The following MAPKAP1 variants were observed in gnomAD, a reference collection of about 807,000 sequenced individuals.
MAPKAP1 encodes target of rapamycin complex 2 subunit MAPKAP1.
MAPKAP1 carries 20 observed loss-of-function variants against 65.7 expected under a neutral mutation model. That is an observed-to-expected ratio of 0.30 (90% CI 0.21 to 0.44). MAPKAP1 has a LOEUF of 0.44. MAPKAP1 is among the 20% of genes least tolerant of loss of function. The probability of loss-of-function intolerance (pLI) is 1.00; values close to 1 mark genes in which losing one functional copy is unlikely to be tolerated. For missense variants in MAPKAP1, 423 were observed against 648.0 expected, an observed-to-expected ratio of 0.65 and a Z score of 3.77; for synonymous variants, 222 against 244.3, an observed-to-expected ratio of 0.91 and a Z score of 0.85.
intron 9 of MAPKAP1, among the ~76,000 whole-genome samples, chr9:125,481,445 C>G (rs1854313603): frequency 6.6e-6 from 1 of 152,118 alleles, no homozygotes; most frequent in Non-Finnish European, 1.5e-5. Flanking sequence ...TCCTTTGAGA[C>G]AGAGTCTAAC....
At chr9:125,484,345 T>C in intron 9 of MAPKAP1, 98 bp downstream of exon 9, 2 of 1,206,404 alleles carry the variant, frequency 1.7e-6, no homozygotes, top group African/African-American at 1.5e-5. Context: ...TTACTTTTAG[T>C]CATTCAGGTC....
At chr9:125,509,725 C>T (rs1829246231) in intron 7 of MAPKAP1, among the ~76,000 whole-genome samples, 1 of 152,180 alleles carries the variant, frequency 6.6e-6, no homozygotes, top group South Asian at 2.1e-4. Context: ...TACCACTTTC[C>T]TGATTACTGG....
intron 3 of MAPKAP1, among the ~76,000 whole-genome samples, chr9:125,664,380 CAG>C (rs1163362896): frequency 6.6e-6 from 1 of 150,576 alleles, no homozygotes; most frequent in African/African-American, 2.4e-5. Flanking sequence ...AATAAAATAA[CAG>C]ATTTATTTAC....
intron 10 of MAPKAP1, among the ~76,000 whole-genome samples, chr9:125,454,742 G>C (rs1049130106): frequency 6.6e-6 from 1 of 152,060 alleles, no homozygotes; most frequent in African/African-American, 2.4e-5. Context: ...TATTATTTCA[G>C]TTCTGTCATT....
intron 4 of MAPKAP1, among the ~76,000 whole-genome samples, chr9:125,640,167 G>A (rs1252695122): frequency 1.3e-5 from 2 of 151,872 alleles, no homozygotes; most frequent in Admixed American, 6.6e-5. Flanking sequence ...GCAGTGGCAC[G>A]ATCTCTGCTC....
In MAPKAP1 at chr9:125,689,434, CG is replaced by C. The variant is rs1176280079; in HGVS notation, c.-69-16792del. On this transcript the variant is annotated intron_variant, in intron 1 of 11. Coordinates refer to ENST00000265960, the MANE Select transcript of MAPKAP1 (RefSeq NM_001006617.3). ...TGGGCGACAGAGTGAGACTCCATCT[CG>C]GAAAAAAAAAAAAAAAAAAAAAAAA... is the stretch of plus-strand genomic sequence containing the variant. Among the ~76,000 whole-genome samples, 3 of 61,604 alleles carry C rather than the reference CG, an allele frequency of 4.9e-5. No individual in the cohort carries two copies. In the East Asian group the frequency reaches 1.4e-3, roughly 29 times the overall value. The allele number at this position is 61,604 out of a possible 152,430, so 40.4% of individuals were successfully genotyped here. A position where few individuals can be genotyped will look rare whatever the true frequency, so the allele number is the denominator to read the frequency against.
At chr9:125,618,225 C>T (rs1401629386) in intron 4 of MAPKAP1, among the ~76,000 whole-genome samples, 1 of 151,250 alleles carries the variant, frequency 6.6e-6, no homozygotes, top group Non-Finnish European at 1.5e-5. Context: ...ACCTGTAGTC[C>T]CAGCTACTAG....
intron 5 of MAPKAP1, among the ~76,000 whole-genome samples, chr9:125,566,790 G>C (rs555972594): frequency 3.4e-4 from 51 of 152,070 alleles, no homozygotes; most frequent in Non-Finnish European, 1.8e-4. Context: ...CATGCTAGAA[G>C]TTTTAATTAA....
chr9:125,550,561 CA>C (rs1330436532), intron 6 of MAPKAP1, among the ~76,000 whole-genome samples: 3 of 152,218 alleles, frequency 2.0e-5, no homozygotes, highest in Non-Finnish European at 2.9e-5. Flanking sequence ...GTGAGCAAAA[CA>C]TACATATTTA....
intron 10 of MAPKAP1, among the ~76,000 whole-genome samples, chr9:125,450,619 C>T (rs895835569): frequency 2.6e-5 from 4 of 152,206 alleles, no homozygotes; most frequent in Non-Finnish European, 5.9e-5. Context: ...AATAAGGCTA[C>T]AAAGAACAGC....
chr9:125,703,444 C>CA (rs1435243755), intron 1 of MAPKAP1, among the ~76,000 whole-genome samples: 1 of 152,120 alleles, frequency 6.6e-6, no homozygotes, highest in Admixed American at 6.6e-5. Flanking sequence ...ACTTCGAACT[C>CA]ACAGAAACAA....
At chr9:125,600,811 G>A (rs1056841804) in intron 4 of MAPKAP1, among the ~76,000 whole-genome samples, 1 of 152,110 alleles carries the variant, frequency 6.6e-6, no homozygotes, top group Non-Finnish European at 1.5e-5. Flanking sequence ...AATTTTCAAA[G>A]CCATGATGGG....
rs556488015 is a variant in MAPKAP1 at position 125,541,899 on chromosome 9, G to A, written c.958+1160C>T. On this transcript the variant is annotated intron_variant, in intron 7 of 11. Transcript: ENST00000265960. ...CCAGTGATGGGCATCCAGAGAGCTG[G>A]TTATCAAACGGCGCAGTCAGCTGGC... Among the ~76,000 whole-genome samples the A allele has an allele frequency of 2.0e-5, 3 of 152,288 alleles. No individual in the cohort carries two copies. In the East Asian group the frequency reaches 5.8e-4, roughly 29 times the overall value.
chr9:125,575,027 A>C (rs1320292747), intron 5 of MAPKAP1, among the ~76,000 whole-genome samples: 1 of 152,210 alleles, frequency 6.6e-6, no homozygotes, highest in Non-Finnish European at 1.5e-5. Flanking sequence ...AGATGTTAAC[A>C]CAATTTAGAG....
chr9:125,504,468 G>C (rs1167741498), intron 8 of MAPKAP1, among the ~76,000 whole-genome samples: 1 of 152,006 alleles, frequency 6.6e-6, no homozygotes, highest in Non-Finnish European at 1.5e-5. Flanking sequence ...AGGCTGTCTG[G>C]GGCCCTAGTC....
chr9:125,589,471 A>G (rs1225275115), intron 4 of MAPKAP1, among the ~76,000 whole-genome samples: 1 of 152,202 alleles, frequency 6.6e-6, no homozygotes, highest in Non-Finnish European at 1.5e-5. Context: ...GAATGACTCC[A>G]GTGCCTGCCA....
intron 1 of MAPKAP1, among the ~76,000 whole-genome samples, chr9:125,675,695 G>A (rs1238360694): frequency 6.6e-6 from 1 of 152,142 alleles, no homozygotes; most frequent in African/African-American, 2.4e-5. Flanking sequence ...CACAAGGACA[G>A]GGTTCATAAC....
chr9:125,607,631 G>A (rs1353946198), intron 4 of MAPKAP1, among the ~76,000 whole-genome samples: 3 of 144,036 alleles, frequency 2.1e-5, no homozygotes, highest in South Asian at 2.5e-4. Flanking sequence ...CTGCAAAGTC[G>A]CTTACTTTGC....
chr9:125,658,257 C>A (rs762942026), intron 3 of MAPKAP1, among the ~76,000 whole-genome samples: 1 of 152,186 alleles, frequency 6.6e-6, no homozygotes, highest in African/African-American at 2.4e-5. Flanking sequence ...CATATTAATT[C>A]TCTAACACTC....
Sources: gnomAD v4.1 joint callset for allele counts (sites outside exome capture counted in the v4.1 genomes callset) on GRCh38, gnomAD v4.1.1 for gene constraint, MANE v1.5 for transcripts, NCBI Gene and HGNC (gene_info 2026-07-23, HGNC 2026-07-21) for gene names.